Variants in D2HGDH observed in about 807,000 individuals in gnomAD.
D2HGDH encodes the protein D-2-hydroxyglutarate dehydrogenase, mitochondrial.
In D2HGDH, 31 loss-of-function variants were observed where a neutral mutation model predicts 46.9. The ratio of observed to expected loss-of-function variants is 0.66; its 90% CI spans 0.50 to 0.89. The LOEUF (loss-of-function observed/expected upper bound fraction) is 0.89, where lower values mean the gene tolerates loss of function less well. D2HGDH is among the 40% of genes least tolerant of loss of function. D2HGDH has a pLI of 0.00. For missense variants in D2HGDH, 698 were observed against 720.8 expected, an observed-to-expected ratio of 0.97 and a Z score of 0.36; for synonymous variants, 364 against 332.6, an observed-to-expected ratio of 1.09 and a Z score of -1.03.
At chr2:241,761,704 G>T (rs143262471) in intron 9 of D2HGDH, among the ~76,000 whole-genome samples, 1 of 152,264 alleles carries the variant, frequency 6.6e-6, no homozygotes, top group East Asian at 1.9e-4. Flanking sequence ...GTGTATTCTG[G>T]TTCTGCCTTG....
chr2:241,751,205 C>A (rs1697136138), intron 7 of D2HGDH, 41 bp from the exon 8 acceptor site: 1 of 1,613,496 alleles, frequency 6.2e-7, no homozygotes, highest in Admixed American at 1.7e-5. Flanking sequence ...GCCCTGGCAG[C>A]CGGAGCCTCT....
intron 2 of D2HGDH, among the ~76,000 whole-genome samples, chr2:241,739,091 G>A (rs1693714382): frequency 6.6e-6 from 1 of 152,208 alleles, no homozygotes; most frequent in Non-Finnish European, 1.5e-5. Flanking sequence ...GTCACCTCTG[G>A]CGGCCTTGCC....
rs571857050 is a variant in D2HGDH, at chr2:241,767,636, G to A, written c.1307-74G>A. The A allele has an allele frequency of 2.0e-5, 32 of 1,602,160 alleles. No individual in the cohort carries two copies. In the East Asian group the frequency reaches 6.9e-4, roughly 35 times the overall value. ...GGTTGCTGGGGAGGGGATCTTGGGA[G>A]GGGCTGTTGGGGGAGGAGTGGGGTC... On this transcript the variant is annotated intron_variant, in intron 9 of 9. Transcript: ENST00000321264.
At chr2:241,755,739 C>T (rs1487322549) in intron 8 of D2HGDH, 110 bp from the exon 9 acceptor site, 5 of 1,607,488 alleles carry the variant, frequency 3.1e-6, no homozygotes, top group Non-Finnish European at 4.2e-6. Context: ...CGGAGCCTCA[C>T]CTGGTGAAGA....
At chr2:241,761,474 G>T (rs1194031651) in intron 9 of D2HGDH, among the ~76,000 whole-genome samples, 2 of 152,192 alleles carry the variant, frequency 1.3e-5, no homozygotes, top group African/African-American at 4.8e-5. Flanking sequence ...GGGAGGCGGA[G>T]GTTGCAGTGA....
intron 2 of D2HGDH, among the ~76,000 whole-genome samples, chr2:241,740,383 G>C (rs1006512999): frequency 2.0e-5 from 3 of 152,132 alleles, no homozygotes; most frequent in Non-Finnish European, 2.9e-5. Context: ...CCGTGGGACC[G>C]AGCCGACCTC....
intron 9 of D2HGDH, among the ~76,000 whole-genome samples, 181 bp downstream of exon 9, chr2:241,756,195 A>G (rs994085163): frequency 5.3e-5 from 8 of 152,254 alleles, no homozygotes; most frequent in African/African-American, 1.9e-4. Flanking sequence ...AATCGTTGTC[A>G]TGACTCGTTT....
rs894119387 is a variant in D2HGDH, at chr2:241,735,590, C to T, written c.292+74C>T. The T allele has an allele frequency of 5.6e-5, 89 of 1,578,240 alleles. 1 individual carries two copies. The highest frequency in any genetic ancestry group is 1.4e-4 in the Admixed American group (8 of 56,304). On this transcript the variant is annotated intron_variant, in intron 2 of 9. Transcript: ENST00000321264. Reference sequence around the variant, plus strand: ...GCGCCTTCCCGTGGAGGCTTCAAAGCGGGCTGAGAACAACCTGGATGGGGG... The same window carrying T: ...GCGCCTTCCCGTGGAGGCTTCAAAGTGGGCTGAGAACAACCTGGATGGGGG...
In D2HGDH at chr2:241,735,419, G is replaced by A; in HGVS notation, c.195G>A (p.Gln65=). 6.2e-7 allele frequency: 1 copy of A among 1,606,960 alleles called. No homozygotes were observed. The highest frequency in any genetic ancestry group is 8.5e-7 in the Non-Finnish European group (1 of 1,178,664). ...RRLPFSTVSK[Q]DLAAFERIVP... ...TGCCGTTCTCCACGGTGTCTAAGCAGGACCTGGCCGCCTTTGAGCGCATCG... is the reference window on the plus strand; with the variant it reads ...TGCCGTTCTCCACGGTGTCTAAGCAAGACCTGGCCGCCTTTGAGCGCATCG... Residue 65 remains glutamine (Q), a synonymous_variant, in exon 2 of 10, where the codon CAG becomes CAA. Transcript: ENST00000321264.
At chr2:241,761,220 G>T (rs1369340479) in intron 9 of D2HGDH, among the ~76,000 whole-genome samples, 2 of 152,126 alleles carry the variant, frequency 1.3e-5, no homozygotes, top group African/African-American at 2.4e-5. Context: ...ACCAGGAATC[G>T]TAAGTAATCT....
intron 5 of D2HGDH, 52 bp from the exon 6 acceptor site, chr2:241,744,657 C>T (rs569079811): frequency 1.9e-5 from 31 of 1,612,580 alleles, no homozygotes; most frequent in Admixed American, 3.3e-5. Context: ...AGGCGACCGA[C>T]GTCTTGTCAG....
chr2:241,746,887 C>CAAAA (rs148116391), intron 6 of D2HGDH, among the ~76,000 whole-genome samples: 1 of 68,660 alleles, frequency 1.5e-5, no homozygotes, highest in Non-Finnish European at 3.1e-5. Flanking sequence ...GACTCCATCT[C>CAAAA]AAAAAAAAAA....
At chr2:241,737,492 CT>C (rs545906359) in intron 2 of D2HGDH, among the ~76,000 whole-genome samples, 1 of 70,064 alleles carries the variant, frequency 1.4e-5, no homozygotes. Context: ...CCAGTTTTCT[CT>C]TTTTTTATTT....
intron 2 of D2HGDH, among the ~76,000 whole-genome samples, chr2:241,737,936 G>A (rs1032457327): frequency 1.3e-5 from 2 of 152,176 alleles, no homozygotes; most frequent in Non-Finnish European, 2.9e-5. Context: ...GTTGGCCCTT[G>A]TAGAAGATTG....
chr2:241,750,088 G>T, intron 6 of D2HGDH, 63 bp from the exon 7 acceptor site: 2 of 1,612,008 alleles, frequency 1.2e-6, no homozygotes, highest in South Asian at 1.1e-5. Flanking sequence ...CTGCTTTGAA[G>T]GGGGACTTGG....
chr2:241,748,121 T>TTTTTTG (rs113421521), intron 6 of D2HGDH, among the ~76,000 whole-genome samples: 82,104 of 150,594 alleles, frequency 0.55, 24,143 homozygotes, highest in African/African-American at 0.79. Flanking sequence ...TCTTCAGCGT[T>TTTTTTG]TTTTTGTTTT....
intron 9 of D2HGDH, 136 bp downstream of exon 9, chr2:241,756,150 A>G (rs1189292425): frequency 4.7e-6 from 6 of 1,277,930 alleles, no homozygotes; most frequent in African/African-American, 1.5e-5. Context: ...AGACACTGGC[A>G]GGACCACGGT....
At position 241,768,383 on chromosome 2, in the gene D2HGDH, T is replaced by C; in HGVS notation, c.*414T>C. On this transcript the variant is annotated 3_prime_UTR_variant, in exon 10 of 10. Coordinates refer to ENST00000321264, the MANE Select transcript of D2HGDH (RefSeq NM_152783.5). ...GGGCATGCGTGGGCAGCGGGGGGCA[T>C]GCGTGGGCAGCAGGGGGCGTGGGCA... is the stretch of plus-strand genomic sequence containing the variant. The C allele has an allele frequency of 5.2e-6, 1 of 191,234 alleles. No homozygotes were observed. The highest frequency in any genetic ancestry group is 1.1e-5 in the Non-Finnish European group (1 of 92,568). 11.8% of individuals were successfully genotyped at this position (191,234 alleles called of 1,614,324 possible).
At chr2:241,734,875 A>T (rs1252753627) in intron 1 of D2HGDH, 180 bp downstream of exon 1, 5 of 243,942 alleles carry the variant, frequency 2.0e-5, no homozygotes, top group African/African-American at 1.1e-4. Context: ...CGTCCGCGGG[A>T]TCCCCTCGGG....
Sources: allele counts gnomAD v4.1 joint callset (sites outside exome capture counted in the v4.1 genomes callset), GRCh38; gene constraint gnomAD v4.1.1; transcripts MANE v1.5; gene names NCBI Gene and HGNC (gene_info 2026-07-23, HGNC 2026-07-21).